The following BCO1 variants were observed in gnomAD, a reference collection of about 807,000 sequenced individuals.
BCO1 encodes the protein beta,beta-carotene 15,15'-dioxygenase.
A neutral mutation model predicts 56.3 loss-of-function variants in BCO1; 54 were observed. The observed-to-expected ratio is 0.96, with a 90% CI of 0.77 to 1.20. BCO1 has a LOEUF of 1.20. Among genes scored for constraint, BCO1 ranks in the 50% most tolerant of loss-of-function variants. The pLI, the probability that BCO1 is intolerant of heterozygous loss-of-function variation, is 0.00. For synonymous variants in BCO1, 318 were observed against 266.1 expected, an observed-to-expected ratio of 1.20 and a Z score of -1.90; for missense variants, 801 against 690.9, an observed-to-expected ratio of 1.16 and a Z score of -1.79.
At chr16:81,287,446 C>G in intron 10 of BCO1, 40 bp downstream of exon 10, 1 of 1,500,838 alleles carries the variant, frequency 6.7e-7, no homozygotes, top group Non-Finnish European at 9.3e-7. Flanking sequence ...CTGCACGTTA[C>G]TGCAGATCGC....
chr16:81,274,037 C>T (rs541603416), intron 7 of BCO1, among the ~76,000 whole-genome samples: 4 of 152,234 alleles, frequency 2.6e-5, no homozygotes, highest in South Asian at 2.1e-4. Flanking sequence ...CCAGAAGCAC[C>T]GCAGTGCAGC....
At chr16:81,249,739 A>T (rs1414356281) in intron 2 of BCO1, among the ~76,000 whole-genome samples, 1 of 152,182 alleles carries the variant, frequency 6.6e-6, no homozygotes, top group Non-Finnish European at 1.5e-5. Flanking sequence ...GGCTGGGAAA[A>T]TAGGAAACCC....
Position 81,262,226 on chromosome 16 carries a change from C to T in BCO1, c.414C>T (p.Thr138=), listed in dbSNP as rs1162095544. The T allele has an allele frequency of 3.1e-6, 5 of 1,613,874 alleles. No homozygotes were observed. In the Admixed American group the frequency reaches 8.3e-5, roughly 27 times the overall value. The part of the protein sequence containing the change: ...IMKCGEDFYA[T]SETNYIRKIN... ...AGTGCGGAGAAGACTTCTACGCGAC[C>T]TCAGAGACCAATTACATCAGGAAAA... The change falls in exon 4 of 11, where the codon ACC becomes ACT. Residue 138 remains threonine (T), a synonymous_variant. Coordinates refer to ENST00000258168, the MANE Select transcript of BCO1 (RefSeq NM_017429.3).
chr16:81,282,247 G>A (rs1907924361), intron 8 of BCO1, among the ~76,000 whole-genome samples: 1 of 152,144 alleles, frequency 6.6e-6, no homozygotes, highest in African/African-American at 2.4e-5. Flanking sequence ...GCATGGTGGT[G>A]CACGCTTGTA....
At chr16:81,251,191 G>GAGC (rs1264792771) in intron 2 of BCO1, among the ~76,000 whole-genome samples, 1 of 152,066 alleles carries the variant, frequency 6.6e-6, no homozygotes, top group East Asian at 1.9e-4. Context: ...AAAGACTTTG[G>GAGC]AGCAAGAAAC....
At chr16:81,280,994 A>T in intron 8 of BCO1, 32 bp downstream of exon 8, 1 of 1,527,046 alleles carries the variant, frequency 6.5e-7, no homozygotes, top group Non-Finnish European at 9.1e-7. Context: ...TGAGTTTAGG[A>T]AAGGGGCAGA....
intron 8 of BCO1, among the ~76,000 whole-genome samples, chr16:81,281,497 G>T (rs1466377031): frequency 6.6e-6 from 1 of 152,164 alleles, no homozygotes; most frequent in African/African-American, 2.4e-5. Context: ...TGGGCCAGAT[G>T]ACTTCTGCAA....
Position 81,270,136 on chromosome 16 carries a change from C to G in BCO1, c.844-23C>G, listed in dbSNP as rs756820085. 3.1e-6 allele frequency: 5 copies of G among 1,613,892 alleles called. No individual in the cohort carries two copies. The Admixed American group carries it at 6.7e-5, about 22-fold the overall frequency. On this transcript the variant is annotated intron_variant, in intron 6 of 10. Coordinates refer to ENST00000258168, the MANE Select transcript of BCO1 (RefSeq NM_017429.3). ...CAGGCTGAGAGAGGGTGAGCTGAGC[C>G]CTTGATATGTGTCCTTTTTCAGACT... is the stretch of plus-strand genomic sequence containing the variant.
At position 81,265,867 on chromosome 16, in the gene BCO1, C is replaced by T. The variant is rs1283219332; in HGVS notation, c.619+1080C>T. Among the ~76,000 whole-genome samples the T allele has an allele frequency of 5.3e-5, 7 of 133,076 alleles. No individual in the cohort carries two copies. The East Asian group carries it at 1.4e-3, about 26-fold the overall frequency. 87.3% of individuals were successfully genotyped at this position (133,076 alleles called of 152,430 possible). A position where few individuals can be genotyped will look rare whatever the true frequency, so the allele number is the denominator to read the frequency against. ...CACCATCTATACACCCACCATTCAT[C>T]CATCTATCCATCTACCATCCATCCA... On this transcript the variant is annotated intron_variant, in intron 5 of 10. Coordinates refer to ENST00000258168, the MANE Select transcript of BCO1 (RefSeq NM_017429.3).
At chr16:81,246,583 G>T (rs538766331) in intron 2 of BCO1, among the ~76,000 whole-genome samples, 2 of 149,674 alleles carry the variant, frequency 1.3e-5, no homozygotes, top group South Asian at 4.2e-4. Flanking sequence ...GGGCGCAGTG[G>T]CTCATGCCTG....
chr16:81,250,627 C>T (rs1444568482), intron 2 of BCO1, among the ~76,000 whole-genome samples: 3 of 130,076 alleles, frequency 2.3e-5, no homozygotes, highest in Non-Finnish European at 4.6e-5. Context: ...GTTGCCCAGG[C>T]TGGAGTACAG....
chr16:81,282,596 T>G (rs1907945465), intron 8 of BCO1, among the ~76,000 whole-genome samples: 1 of 151,984 alleles, frequency 6.6e-6, no homozygotes, highest in East Asian at 1.9e-4. Context: ...CTGGAGTCTT[T>G]AGAAATGAAT....
At chr16:81,267,428 C>T (rs1166500305) in intron 5 of BCO1, among the ~76,000 whole-genome samples, 2 of 152,206 alleles carry the variant, frequency 1.3e-5, no homozygotes, top group Non-Finnish European at 2.9e-5. Context: ...GCCTGGCCAA[C>T]ATGGCAAAAC....
intron 8 of BCO1, 131 bp downstream of exon 8, chr16:81,281,093 CT>C: frequency 1.4e-6 from 1 of 708,654 alleles, no homozygotes; most frequent in Non-Finnish European, 2.5e-6. Context: ...TTGGGATGCC[CT>C]GGTGAAAAGC....
chr16:81,283,537 A>T (rs1053946807), intron 8 of BCO1, among the ~76,000 whole-genome samples: 1 of 152,034 alleles, frequency 6.6e-6, no homozygotes, highest in Non-Finnish European at 1.5e-5. Context: ...GCCCAGGAAC[A>T]TCTTGGAAGT....
At chr16:81,285,973 C>T (rs1373675605) in intron 9 of BCO1, among the ~76,000 whole-genome samples, 1 of 152,150 alleles carries the variant, frequency 6.6e-6, no homozygotes, top group African/African-American at 2.4e-5. Context: ...CTCACCCTCT[C>T]CAGCAGAGAG....
intron 7 of BCO1, among the ~76,000 whole-genome samples, chr16:81,278,162 C>G (rs1907667372): frequency 6.6e-6 from 1 of 152,142 alleles, no homozygotes; most frequent in South Asian, 2.1e-4. Context: ...CTGCCTCAGT[C>G]TCCTGAGCAG....
chr16:81,277,373 C>G (rs1308000867), intron 7 of BCO1, among the ~76,000 whole-genome samples: 1 of 152,116 alleles, frequency 6.6e-6, no homozygotes. Flanking sequence ...GTAACTTGCC[C>G]AACTTTTTAG....
intron 7 of BCO1, among the ~76,000 whole-genome samples, chr16:81,272,364 C>T (rs950670835): frequency 8.5e-5 from 13 of 152,190 alleles, no homozygotes; most frequent in South Asian, 2.1e-4. Context: ...ATGATCCGCC[C>T]GCCTTGGCCT....
Sources: allele counts gnomAD v4.1 joint callset (sites outside exome capture counted in the v4.1 genomes callset), GRCh38; gene constraint gnomAD v4.1.1; transcripts MANE v1.5; gene names NCBI Gene and HGNC (gene_info 2026-07-23, HGNC 2026-07-21).